Variants in SCHIP1 observed in about 807,000 individuals in gnomAD.
SCHIP1 encodes schwannomin-interacting protein 1.
In SCHIP1, 8 loss-of-function variants were observed where a neutral mutation model predicts 29.7. That is an observed-to-expected ratio of 0.27 (90% CI 0.16 to 0.49). The LOEUF (loss-of-function observed/expected upper bound fraction) is 0.49, where lower values mean the gene tolerates loss of function less well. Ranked by LOEUF, SCHIP1 falls within the 20% of genes least tolerant of loss-of-function variation. SCHIP1 has a pLI of 0.99. For synonymous variants in SCHIP1, 76 were observed against 94.9 expected, an observed-to-expected ratio of 0.80 and a Z score of 1.16; for missense variants, 193 against 294.6, an observed-to-expected ratio of 0.66 and a Z score of 2.52.
chr3:159,477,262 A>T, the SCHIP1 span, among the ~76,000 whole-genome samples: 4 of 152,098 alleles, frequency 2.6e-5, no homozygotes, highest in Non-Finnish European at 5.9e-5. Context: ...GAGTGCATGT[A>T]TCCCTTTGAC....
At chr3:159,732,964 C>T in the SCHIP1 span, among the ~76,000 whole-genome samples, 6 of 152,052 alleles carry the variant, frequency 3.9e-5, no homozygotes, top group Non-Finnish European at 7.4e-5. Context: ...TTGGCTGCCA[C>T]AGAGCAGGAG....
At chr3:159,793,697 A>C in the SCHIP1 span, among the ~76,000 whole-genome samples, 1 of 152,104 alleles carries the variant, frequency 6.6e-6, no homozygotes, top group African/African-American at 2.4e-5. Context: ...AGCTGGGATT[A>C]CAGGCGTGTG....
chr3:159,320,438 A>G, the SCHIP1 span, among the ~76,000 whole-genome samples: 1 of 152,190 alleles, frequency 6.6e-6, no homozygotes, highest in Non-Finnish European at 1.5e-5. Flanking sequence ...TCCGTTGTTT[A>G]TAAGCCACCT....
chr3:159,373,717 T>A, the SCHIP1 span, among the ~76,000 whole-genome samples: 1 of 152,148 alleles, frequency 6.6e-6, no homozygotes, highest in Non-Finnish European at 1.5e-5. Context: ...ATTCCATCCA[T>A]GTTGTCACAA....
the SCHIP1 span, among the ~76,000 whole-genome samples, chr3:159,400,866 G>A: frequency 5.9e-5 from 9 of 152,210 alleles, no homozygotes; most frequent in Admixed American, 5.2e-4. Context: ...ATGATAGCAG[G>A]CTCTAGACTT....
the SCHIP1 span, among the ~76,000 whole-genome samples, chr3:159,402,066 A>G: frequency 1.3e-5 from 2 of 152,158 alleles, no homozygotes; most frequent in African/African-American, 2.4e-5. Flanking sequence ...TCTACAATGA[A>G]CTCAAACAAA....
chr3:159,752,851 A>G, the SCHIP1 span, among the ~76,000 whole-genome samples: 1 of 152,188 alleles, frequency 6.6e-6, no homozygotes, highest in Non-Finnish European at 1.5e-5. Flanking sequence ...TTAATGTTAT[A>G]ATTTTCAAAA....
the SCHIP1 span, among the ~76,000 whole-genome samples, chr3:159,345,470 A>C: frequency 6.6e-6 from 1 of 151,902 alleles, no homozygotes; most frequent in Non-Finnish European, 1.5e-5. Flanking sequence ...TTGCCCTAGG[A>C]CTCCCCAAGG....
chr3:159,608,672 A>G, the SCHIP1 span, among the ~76,000 whole-genome samples: 8 of 152,206 alleles, frequency 5.3e-5, no homozygotes, highest in African/African-American at 1.9e-4. Flanking sequence ...TCTACAAAGA[A>G]AGTTTGGAGA....
chr3:159,283,943 G>A, the SCHIP1 span, among the ~76,000 whole-genome samples: 30 of 152,198 alleles, frequency 2.0e-4, no homozygotes, highest in East Asian at 4.6e-3. Flanking sequence ...TTCTTTATAT[G>A]TTGCTTTTTA....
the SCHIP1 span, among the ~76,000 whole-genome samples, chr3:159,461,501 C>T: frequency 3.3e-5 from 5 of 152,132 alleles, no homozygotes; most frequent in East Asian, 7.7e-4. Flanking sequence ...ATATAGATTA[C>T]ATATAAGTAC....
chr3:159,306,425 T>A, the SCHIP1 span: 2 of 153,798 alleles, frequency 1.3e-5, no homozygotes, highest in African/African-American at 4.8e-5. Context: ...ACTTATTAAG[T>A]GTTTTCAGCA....
the SCHIP1 span, among the ~76,000 whole-genome samples, chr3:159,740,572 A>G: frequency 2.0e-5 from 3 of 152,020 alleles, no homozygotes; most frequent in African/African-American, 7.2e-5. Context: ...ATCCAATGAA[A>G]TCTTCTTTAA....
At chr3:159,628,509 T>A in the SCHIP1 span, among the ~76,000 whole-genome samples, 2 of 152,070 alleles carry the variant, frequency 1.3e-5, no homozygotes, top group African/African-American at 4.8e-5. Context: ...AAAATAACTA[T>A]GATTATTAGG....
At chr3:159,355,793 T>C in the SCHIP1 span, among the ~76,000 whole-genome samples, 1 of 152,146 alleles carries the variant, frequency 6.6e-6, no homozygotes, top group Non-Finnish European at 1.5e-5. Flanking sequence ...CAATTTAAAT[T>C]GAAATTTCCT....
chr3:159,845,762 A>C (rs1301806670), intron 1 of SCHIP1: 1 of 152,190 alleles, frequency 6.6e-6, no homozygotes, highest in Non-Finnish European at 1.5e-5. Flanking sequence ...TGTGTTCAAT[A>C]AATGTTTGTT....
At chr3:159,465,892 T>G in the SCHIP1 span, among the ~76,000 whole-genome samples, 1 of 152,130 alleles carries the variant, frequency 6.6e-6, no homozygotes, top group East Asian at 1.9e-4. Context: ...TAACAAACAT[T>G]AAGCATTATT....
At chr3:159,615,802 T>C in the SCHIP1 span, among the ~76,000 whole-genome samples, 1 of 152,180 alleles carries the variant, frequency 6.6e-6, no homozygotes, top group Non-Finnish European at 1.5e-5. Context: ...GAAAGAAAAT[T>C]TGATTACAAA....
At chr3:159,405,902 A>G in the SCHIP1 span, among the ~76,000 whole-genome samples, 82 of 151,454 alleles carry the variant, frequency 5.4e-4, 1 homozygote, top group East Asian at 8.2e-3. Flanking sequence ...AAAAGAAAAG[A>G]AAAGGAAAAT....
Sources: gnomAD v4.1 joint callset for allele counts (sites outside exome capture counted in the v4.1 genomes callset) on GRCh38, gnomAD v4.1.1 for gene constraint, MANE v1.5 for transcripts, NCBI Gene and HGNC (gene_info 2026-07-23, HGNC 2026-07-21) for gene names.